LRP5: variants seen among roughly 807,000 people sequenced by gnomAD.
LRP5 encodes the protein low-density lipoprotein receptor-related protein 5.
A neutral mutation model predicts 154.1 loss-of-function variants in LRP5; 62 were observed. The ratio of observed to expected loss-of-function variants is 0.40; its 90% confidence interval spans 0.33 to 0.50. The LOEUF (loss-of-function observed/expected upper bound fraction) is 0.50, where lower values mean the gene tolerates loss of function less well. Among genes scored for constraint, LRP5 ranks in the 20% least tolerant of loss-of-function variants. LRP5 has a pLI of 0.55. For missense variants in LRP5, 1,915 were observed against 2,336.7 expected (o/e 0.82, Z 3.72); for synonymous variants, 966 against 1,011.5 (o/e 0.96, Z 0.85).
intron 2 of LRP5, among the ~76,000 whole-genome samples, chr11:68,351,338 G>T (rs1470580571): frequency 1.3e-5 from 2 of 152,058 alleles, no homozygotes; most frequent in Admixed American, 6.6e-5. Context: ...CCTCTGTTCC[G>T]CTTGGTGAAC....
intron 9 of LRP5, among the ~76,000 whole-genome samples, chr11:68,409,061 A>ATAT (rs1224274198): frequency 5.2e-5 from 1 of 19,312 alleles, no homozygotes; most frequent in African/African-American, 1.7e-4. Flanking sequence ...GAAAAAAAAA[A>ATAT]AAAAAAAAAA....
intron 1 of LRP5, among the ~76,000 whole-genome samples, chr11:68,338,829 T>A (rs943964695): frequency 1.3e-5 from 2 of 151,920 alleles, no homozygotes; most frequent in Admixed American, 6.6e-5. Flanking sequence ...TGAAGTTCAC[T>A]TGACAACATT....
chr11:68,304,139 G>C, the LRP5 span, among the ~76,000 whole-genome samples: 1 of 152,246 alleles, frequency 6.6e-6, no homozygotes, highest in Non-Finnish European at 1.5e-5. Context: ...CACAGGCCCA[G>C]AGGATGAGGA....
At chr11:68,319,500 C>T (rs1245467418) in intron 1 of LRP5, among the ~76,000 whole-genome samples, 1 of 152,012 alleles carries the variant, frequency 6.6e-6, no homozygotes, top group Non-Finnish European at 1.5e-5. Context: ...CAGGCATGAG[C>T]CGCTGTGCCC....
At chr11:68,446,791 G>A (rs923019115) in intron 22 of LRP5, among the ~76,000 whole-genome samples, 1 of 152,178 alleles carries the variant, frequency 6.6e-6, no homozygotes, top group African/African-American at 2.4e-5. Context: ...TCCTATGGGG[G>A]TTACTTTTAA....
intron 13 of LRP5, among the ~76,000 whole-genome samples, chr11:68,421,694 G>GTA (rs1452713575): frequency 6.7e-6 from 1 of 149,462 alleles, no homozygotes. Context: ...GGCTGTGTGT[G>GTA]TGTGTGTGTG....
At chr11:68,395,922 C>A (rs530855124) in intron 7 of LRP5, among the ~76,000 whole-genome samples, 1 of 152,138 alleles carries the variant, frequency 6.6e-6, no homozygotes, top group African/African-American at 2.4e-5. Flanking sequence ...CCTTGCCCAG[C>A]GCCAGGAGCA....
intron 1 of LRP5, among the ~76,000 whole-genome samples, chr11:68,330,687 G>A (rs1471430862): frequency 6.6e-6 from 1 of 152,242 alleles, no homozygotes; most frequent in Non-Finnish European, 1.5e-5. Flanking sequence ...ATCTGTATCT[G>A]GGGTGGTTAG....
intron 7 of LRP5, among the ~76,000 whole-genome samples, chr11:68,400,762 G>C (rs2098652214): frequency 6.6e-6 from 1 of 151,858 alleles, no homozygotes; most frequent in African/African-American, 2.4e-5. Flanking sequence ...TAAAAATAAT[G>C]ACCTCTGGCC....
intron 5 of LRP5, among the ~76,000 whole-genome samples, chr11:68,372,906 A>T (rs1396955624): frequency 6.6e-6 from 1 of 151,862 alleles, no homozygotes; most frequent in East Asian, 1.9e-4. Context: ...GAAGGTCAGG[A>T]GGGGGGCAGG....
intron 1 of LRP5, among the ~76,000 whole-genome samples, chr11:68,334,867 AAAAATAAAAT>A (rs775374125): frequency 1.3e-5 from 2 of 152,154 alleles, no homozygotes; most frequent in African/African-American, 2.4e-5. Flanking sequence ...CTCTGTCTCA[AAAAATAAAAT>A]AAAATAAAAT....
rs121908661 is a variant in LRP5 at position 68,386,582 on chromosome 11, C to T, written c.1282C>T (p.Arg428Ter). The T allele has an allele frequency of 3.7e-6, 6 of 1,613,806 alleles. No homozygotes were observed. Among genetic ancestry groups the T allele is most frequent in the Admixed American group, 1.7e-5 (1 of 60,010 alleles). ...TGGCATCGCGGTCGACTGGGTGGCCCGAAACCTCTACTGGACCGACACGGG... is the reference window on the plus strand; with the variant it reads ...TGGCATCGCGGTCGACTGGGTGGCCTGAAACCTCTACTGGACCGACACGGG... ...PDGIAVDWVA[R>*]NLYWTDTGTD... Residue 428 changes from arginine (R) to a stop codon, truncating the protein, a stop_gained, in exon 6 of 23, where the codon CGA (arginine) becomes TGA (stop). Transcript: ENST00000294304. LOFTEE classifies it high-confidence loss of function. This position sits in a 1 kb window ranked among gnomAD's most constrained non-coding sequence, Gnocchi z 7.9.
intron 2 of LRP5, among the ~76,000 whole-genome samples, chr11:68,354,252 G>A (rs1458881106): frequency 2.6e-5 from 4 of 152,350 alleles, no homozygotes; most frequent in East Asian, 1.9e-4. Flanking sequence ...TTGTGGTAGC[G>A]TTTGAGACTC....
intron 1 of LRP5, among the ~76,000 whole-genome samples, chr11:68,346,256 T>G (rs312781): frequency 6.6e-6 from 1 of 152,186 alleles, no homozygotes; most frequent in Admixed American, 6.5e-5. Flanking sequence ...CACAAAGAAC[T>G]GTAGACCTAA....
At chr11:68,426,234 G>T (rs375888506) in intron 16 of LRP5, 47 bp downstream of exon 16, 2 of 1,536,554 alleles carry the variant, frequency 1.3e-6, no homozygotes, top group African/African-American at 1.4e-5. Context: ...CTCTAAACCC[G>T]ACCCCTGGAG....
In LRP5 at chr11:68,411,566, C is replaced by T. The variant is rs775431782; in HGVS notation, c.2449C>T (p.Arg817Cys). The T allele has an allele frequency of 5.6e-6, 9 of 1,613,612 alleles. No homozygotes were observed. Among genetic ancestry groups the T allele is most frequent in the African/African-American group, 5.3e-5 (4 of 74,936 alleles). ...NDLTIDYADQ[R>C]LYWTDLDTNM... ...CCTCACCATTGACTACGCTGACCAG[C>T]GCCTCTACTGGACCGACCTGGACAC... The change falls in exon 11 of 23, where the codon CGC becomes TGC. Residue 817 changes from arginine to cysteine, a missense_variant. Physicochemically the swap from Arg to Cys is radical, Grantham distance 180. Transcript: ENST00000294304.
chr11:68,438,335 C>T, intron 19 of LRP5, 111 bp from the exon 20 acceptor site: 1 of 1,057,492 alleles, frequency 9.5e-7, no homozygotes, highest in East Asian at 2.4e-5. Context: ...TTCTCCCCAC[C>T]CTCCACCAGT....
intron 7 of LRP5, among the ~76,000 whole-genome samples, chr11:68,400,563 A>ATAAT (rs1377947145): frequency 1.3e-5 from 2 of 151,152 alleles, no homozygotes; most frequent in African/African-American, 4.9e-5. Flanking sequence ...TCTACTAAAA[A>ATAAT]TAAATAAATA....
intron 5 of LRP5, among the ~76,000 whole-genome samples, chr11:68,384,855 G>A (rs551595409): frequency 6.6e-6 from 1 of 152,346 alleles, no homozygotes; most frequent in South Asian, 2.1e-4. Context: ...CTGTGGAGTG[G>A]GTGGTGAGGA....
Sources: gnomAD v4.1 joint callset for allele counts (sites outside exome capture counted in the v4.1 genomes callset) on GRCh38, gnomAD v4.1.1 for gene constraint, Gnocchi (gnomAD v3.1) non-coding constraint, MANE v1.5 for transcripts, NCBI Gene and HGNC (gene_info 2026-07-23, HGNC 2026-07-21) for gene names.